The following MEMO1 variants were observed in gnomAD, a reference collection of about 807,000 sequenced individuals.
MEMO1 encodes protein MEMO1.
In MEMO1, 6 loss-of-function variants were observed where a neutral mutation model predicts 45.2. That is an observed-to-expected ratio of 0.13 (90% CI 0.07 to 0.26). The LOEUF (loss-of-function observed/expected upper bound fraction) is 0.26. Among genes scored for constraint, MEMO1 ranks in the 10% least tolerant of loss-of-function variants. The pLI, the probability that MEMO1 is intolerant of heterozygous loss-of-function variation, is 1.00. For missense variants in MEMO1, 184 were observed against 370.5 expected, an observed-to-expected ratio of 0.50 and a Z score of 4.13; for synonymous variants, 78 against 124.3, an observed-to-expected ratio of 0.63 and a Z score of 2.48.
At chr2:31,987,149 G>A (rs942383220) in intron 2 of MEMO1, among the ~76,000 whole-genome samples, 1 of 152,176 alleles carries the variant, frequency 6.6e-6, no homozygotes, top group Admixed American at 6.5e-5. Flanking sequence ...GACTACAAGT[G>A]TGTACAATAA....
intron 2 of MEMO1, among the ~76,000 whole-genome samples, chr2:31,967,139 T>C (rs935410904): frequency 6.6e-6 from 1 of 151,204 alleles, no homozygotes; most frequent in Non-Finnish European, 1.5e-5. Flanking sequence ...TTTTTTTTTT[T>C]TGGAGACGGA....
intron 2 of MEMO1, among the ~76,000 whole-genome samples, chr2:31,980,365 G>A (rs556672279): frequency 4.6e-5 from 7 of 152,168 alleles, no homozygotes; most frequent in Non-Finnish European, 8.8e-5. Flanking sequence ...CCCAGGAGTT[G>A]GAGGCTGCAA....
intron 2 of MEMO1, among the ~76,000 whole-genome samples, chr2:32,005,587 G>C (rs868086409): frequency 2.0e-5 from 3 of 151,806 alleles, no homozygotes; most frequent in Admixed American, 6.6e-5. Flanking sequence ...GGCAGAACAG[G>C]ATTGGTAATC....
intron 2 of MEMO1, among the ~76,000 whole-genome samples, chr2:31,944,072 C>T (rs992438070): frequency 1.3e-5 from 2 of 152,216 alleles, no homozygotes; most frequent in African/African-American, 4.8e-5. Flanking sequence ...CCTCACTCCT[C>T]TGCTCCTCTC....
At chr2:31,896,064 C>T (rs912322718) in intron 6 of MEMO1, among the ~76,000 whole-genome samples, 2 of 151,756 alleles carry the variant, frequency 1.3e-5, no homozygotes, top group African/African-American at 2.4e-5. Context: ...AGGATGGTCT[C>T]GATCTCCTGA....
intron 6 of MEMO1, among the ~76,000 whole-genome samples, chr2:31,913,248 C>CAAA (rs3065389): frequency 0.12 from 5,224 of 43,696 alleles, 265 homozygotes; most frequent in Non-Finnish European, 0.17. Context: ...GACTCCGTCT[C>CAAA]AAAAAAAAAA....
chr2:31,967,643 G>A (rs62142082), intron 2 of MEMO1, among the ~76,000 whole-genome samples: 9,918 of 151,786 alleles, frequency 0.065, 463 homozygotes, highest in Non-Finnish European at 0.098. Context: ...AAGGTTTCAC[G>A]ATATTGTCCA....
intron 2 of MEMO1, among the ~76,000 whole-genome samples, chr2:32,004,597 A>G (rs180912278): frequency 5.2e-4 from 79 of 152,226 alleles, no homozygotes; most frequent in Non-Finnish European, 3.1e-4. Context: ...TTGTAAAACC[A>G]ATTTGCAAAA....
At chr2:31,892,312 A>G (rs1677096984) in intron 6 of MEMO1, among the ~76,000 whole-genome samples, 178 bp from the exon 7 acceptor site, 1 of 152,180 alleles carries the variant, frequency 6.6e-6, no homozygotes, top group African/African-American at 2.4e-5. Context: ...CAAGGGTACG[A>G]TTAAAAATAT....
intron 3 of MEMO1, among the ~76,000 whole-genome samples, chr2:31,937,622 C>A (rs1007747582): frequency 6.6e-6 from 1 of 152,102 alleles, no homozygotes; most frequent in Admixed American, 6.5e-5. Context: ...GTAACACATG[C>A]ACACAGTAAA....
intron 2 of MEMO1, among the ~76,000 whole-genome samples, chr2:32,002,530 T>C (rs1673538699): frequency 6.6e-6 from 1 of 151,936 alleles, no homozygotes; most frequent in Non-Finnish European, 1.5e-5. Flanking sequence ...CAGCATATTT[T>C]CCCATACCTT....
At chr2:31,943,030 C>A (rs1035506968) in intron 3 of MEMO1, among the ~76,000 whole-genome samples, 1 of 152,080 alleles carries the variant, frequency 6.6e-6, no homozygotes, top group Non-Finnish European at 1.5e-5. Flanking sequence ...TGAGCGAGAC[C>A]GAGGCAGGTG....
intron 2 of MEMO1, among the ~76,000 whole-genome samples, chr2:32,002,849 A>G (rs1673581136): frequency 6.6e-6 from 1 of 152,202 alleles, no homozygotes; most frequent in Non-Finnish European, 1.5e-5. Flanking sequence ...TGCATGTGAA[A>G]GGACAAGGAA....
intron 2 of MEMO1, among the ~76,000 whole-genome samples, chr2:31,976,737 T>A (rs1449934052): frequency 6.6e-6 from 1 of 152,332 alleles, no homozygotes; most frequent in Non-Finnish European, 1.5e-5. Context: ...GCTTTTTTTC[T>A]TTTAGAGAGT....
intron 6 of MEMO1, among the ~76,000 whole-genome samples, chr2:31,908,437 T>G (rs1680076765): frequency 1.3e-5 from 2 of 152,006 alleles, no homozygotes; most frequent in African/African-American, 4.8e-5. Context: ...ATTACTCTTA[T>G]CCTGACAGGA....
intron 2 of MEMO1, among the ~76,000 whole-genome samples, chr2:31,969,271 A>G (rs1668993606): frequency 6.6e-6 from 1 of 151,214 alleles, no homozygotes; most frequent in Non-Finnish European, 1.5e-5. Context: ...AGCTATATAT[A>G]TATATATATC....
intron 6 of MEMO1, among the ~76,000 whole-genome samples, chr2:31,897,558 G>A (rs1678050117): frequency 6.6e-6 from 1 of 152,142 alleles, no homozygotes; most frequent in Admixed American, 6.5e-5. Flanking sequence ...TGCATTCCAG[G>A]GATGAAGCCA....
chr2:31,988,522 G>C (rs1304254174), intron 2 of MEMO1, among the ~76,000 whole-genome samples: 1 of 152,052 alleles, frequency 6.6e-6, no homozygotes, highest in Non-Finnish European at 1.5e-5. Flanking sequence ...CTCCAGCCTG[G>C]GCGACAAAGC....
intron 2 of MEMO1, among the ~76,000 whole-genome samples, chr2:31,996,988 T>C (rs1287611120): frequency 6.6e-6 from 1 of 152,042 alleles, no homozygotes; most frequent in African/African-American, 2.4e-5. Flanking sequence ...GCACCACAAG[T>C]CTACTGTGAG....
Sources: gnomAD v4.1 joint callset for allele counts (sites outside exome capture counted in the v4.1 genomes callset) on GRCh38, gnomAD v4.1.1 for gene constraint, MANE v1.5 for transcripts, NCBI Gene and HGNC (gene_info 2026-07-23, HGNC 2026-07-21) for gene names.